SLC43A1: variants seen among roughly 807,000 people sequenced by gnomAD.
SLC43A1 encodes solute carrier family 43 member 1, also known as large neutral amino acids transporter small subunit 3.
SLC43A1 carries 31 observed loss-of-function variants against 59.5 expected under a neutral mutation model. The ratio of observed to expected loss-of-function variants is 0.52; its 90% confidence interval spans 0.39 to 0.70. The LOEUF is 0.70. SLC43A1 is among the 30% of genes least tolerant of loss of function. SLC43A1 has a pLI of 0.00. For synonymous variants in SLC43A1, 259 were observed against 290.9 expected (o/e 0.89, Z 1.12); for missense variants, 598 against 717.8 (o/e 0.83, Z 1.91).
chr11:57,508,974 A>G (rs118058573), intron 2 of SLC43A1, among the ~76,000 whole-genome samples: 1,726 of 151,890 alleles, frequency 0.011, 19 homozygotes, highest in Non-Finnish European at 0.017. Flanking sequence ...AAATTAGCCA[A>G]GCATGGTGGT....
At chr11:57,505,237 CGCAG>C (rs1944366194) in intron 2 of SLC43A1, among the ~76,000 whole-genome samples, 1 of 152,160 alleles carries the variant, frequency 6.6e-6, no homozygotes, top group Non-Finnish European at 1.5e-5. Context: ...ATTGGCCAGC[CGCAG>C]TAGCTCGCAC....
At chr11:57,509,426 A>G (rs1161571121) in intron 2 of SLC43A1, among the ~76,000 whole-genome samples, 4 of 151,892 alleles carry the variant, frequency 2.6e-5, no homozygotes, top group Admixed American at 2.6e-4. Flanking sequence ...CGTCTCTACT[A>G]AAAATACAAA....
rs546367637 is a variant in SLC43A1 at position 57,487,170 on chromosome 11, G to T, written c.1458C>A (p.Ile486=). Residue 486 remains isoleucine, a synonymous_variant, in exon 14 of 15, where the codon ATC becomes ATA. Coordinates refer to ENST00000278426, the MANE Select transcript of SLC43A1 (RefSeq NM_003627.6). ...GCTGAAGCAAGGCGAACACAGCACT[G>T]ATGAGGGACTGCAGGCCTGTCAGCG... ...FGTLTGLQSL[I]SAVFALLQQP... 3.2e-4 allele frequency: 516 copies of T among 1,614,092 alleles called. 3 individuals carry two copies. In the South Asian group the frequency reaches 5.4e-3, roughly 17 times the overall value.
At chr11:57,488,796 C>T (rs1484217374) in intron 13 of SLC43A1, 120 bp downstream of exon 13, 2 of 827,618 alleles carry the variant, frequency 2.4e-6, no homozygotes, top group African/African-American at 3.4e-5. Flanking sequence ...AGCTCCCTGC[C>T]ATCAGAGGGT....
rs1338237067 is a variant in SLC43A1, at chr11:57,487,201, A to G, written c.1427T>C (p.Phe476Ser). The change falls in exon 14 of 15, where the codon TTT becomes TCT. Residue 476 changes from phenylalanine (F) to serine (S), a missense_variant. Phe to Ser is a radical substitution (Grantham distance 155). Transcript: ENST00000278426. ...GGACTGCAGGCCTGTCAGCGTCCCA[A>G]AGTGGTTGGATGGGAACCTGTCCAC... Reference protein sequence around the residue: ...LYAAVFPSNHFGTLTGLQSLI... With the variant: ...LYAAVFPSNHSGTLTGLQSLI... The G allele has an allele frequency of 2.4e-5, 39 of 1,613,608 alleles. No homozygotes were observed. The highest frequency in any genetic ancestry group is 3.1e-5 in the Non-Finnish European group (36 of 1,179,768).
Position 57,514,154 on chromosome 11 carries a change from GC to G in SLC43A1, c.-13-31del, listed in dbSNP as rs764253328. 9.1e-6 allele frequency: 14 copies of G among 1,539,158 alleles called. No homozygotes were observed. Among genetic ancestry groups the G allele is most frequent in the Non-Finnish European group, 1.1e-5 (13 of 1,148,390 alleles). On this transcript the variant is annotated intron_variant, in intron 1 of 14. Transcript: ENST00000278426. The surrounding 1 kb of genome is among the most constrained non-coding windows in gnomAD (Gnocchi z 5.5). ...ACAGAAACAGAGCGCTGGGTGAAGG[GC>G]CCCCCAGTGGCCCCAGGGAAGGGTC...
At chr11:57,502,062 G>A (rs1022587891) in intron 2 of SLC43A1, among the ~76,000 whole-genome samples, 1 of 152,244 alleles carries the variant, frequency 6.6e-6, no homozygotes, top group African/African-American at 2.4e-5. Context: ...GTCCCCTCTA[G>A]AAGTCCACTT....
chr11:57,487,651 C>T (rs1317738414), intron 13 of SLC43A1, among the ~76,000 whole-genome samples: 1 of 151,698 alleles, frequency 6.6e-6, no homozygotes, highest in African/African-American at 2.4e-5. Flanking sequence ...GAGCAGGTGG[C>T]GGTCAGACAA....
At chr11:57,497,926 C>T (rs1318043114) in intron 5 of SLC43A1, 81 bp from the exon 6 acceptor site, 2 of 1,042,476 alleles carry the variant, frequency 1.9e-6, no homozygotes, top group South Asian at 1.4e-5. Context: ...CATACAATAG[C>T]CCCAGGAGAC....
Position 57,491,878 on chromosome 11 carries a change from G to A in SLC43A1, c.872-16C>T, listed in dbSNP as rs1366819416. The A allele has an allele frequency of 1.2e-6, 2 of 1,612,922 alleles. No individual in the cohort carries two copies. The highest frequency in any genetic ancestry group is 2.2e-5 in the East Asian group (1 of 44,862). On this transcript the variant is annotated splice_polypyrimidine_tract_variant and intron_variant, in intron 8 of 14. Transcript: ENST00000278426. Reference sequence around the variant, plus strand: ...GGGACAGACCCTGGGGAGACAGCAGGGGGCGCCCCTGAGCCCCAGACCTTC... The same window carrying A: ...GGGACAGACCCTGGGGAGACAGCAGAGGGCGCCCCTGAGCCCCAGACCTTC...
intron 2 of SLC43A1, among the ~76,000 whole-genome samples, chr11:57,502,797 C>T (rs559320495): frequency 7.9e-5 from 12 of 151,540 alleles, no homozygotes; most frequent in African/African-American, 2.9e-4. Context: ...TTGCTTGAGC[C>T]CGGGCGGTCG....
At chr11:57,495,583 T>C (rs1467243366) in intron 7 of SLC43A1, among the ~76,000 whole-genome samples, 2 of 152,148 alleles carry the variant, frequency 1.3e-5, no homozygotes, top group Non-Finnish European at 2.9e-5. Context: ...TCGGACACTT[T>C]GGAAGGGCAA....
intron 2 of SLC43A1, among the ~76,000 whole-genome samples, chr11:57,510,906 C>T (rs977212837): frequency 6.6e-6 from 1 of 151,890 alleles, no homozygotes; most frequent in Admixed American, 6.6e-5. Flanking sequence ...CGCTTGAACC[C>T]AGGAGGTGGA....
rs1278408661 is a variant in SLC43A1 at position 57,515,052 on chromosome 11, G to A, written c.-14+392C>T. 1.0e-5 allele frequency: 10 copies of A among 985,470 alleles called. No individual in the cohort carries two copies. Among genetic ancestry groups the A allele is most frequent in the South Asian group, 4.7e-5 (1 of 21,284 alleles). The allele number at this position is 985,470 out of a possible 1,614,324, so 61.0% of individuals were successfully genotyped here. A position where few individuals can be genotyped will look rare whatever the true frequency, so the allele number is the denominator to read the frequency against. On this transcript the variant is annotated intron_variant, in intron 1 of 14. Coordinates refer to ENST00000278426, the MANE Select transcript of SLC43A1 (RefSeq NM_003627.6). The surrounding 1 kb of genome is among the most constrained non-coding windows in gnomAD (Gnocchi z 5.3). ...GACAACTGGGATGAGACCGAGGAAA[G>A]CGGAGAGGAGAAGGGCAAGAAAGAC... is the stretch of plus-strand genomic sequence containing the variant.
intron 2 of SLC43A1, among the ~76,000 whole-genome samples, chr11:57,504,028 C>T (rs1369920403): frequency 1.3e-5 from 2 of 151,550 alleles, no homozygotes; most frequent in Non-Finnish European, 2.9e-5. Context: ...CCCATCTCTA[C>T]TAAAAATACA....
intron 2 of SLC43A1, among the ~76,000 whole-genome samples, chr11:57,510,457 CAAAAAAAAAAAA>C (rs61412196): frequency 0.091 from 2,342 of 25,778 alleles, 54 homozygotes; most frequent in Non-Finnish European, 0.12. Flanking sequence ...GACTCCATCT[CAAAAAAAAAAAA>C]AAAAAAAAAA....
rs563957293 is a variant in SLC43A1 at position 57,495,571 on chromosome 11, A to C, written c.692+460T>G. ...GCTGGGCACAGTGGCTCACGCCTGTAATCGGACACTTTGGAAGGGCAAGGG... is the reference window on the plus strand; with the variant it reads ...GCTGGGCACAGTGGCTCACGCCTGTCATCGGACACTTTGGAAGGGCAAGGG... On this transcript the variant is annotated intron_variant, in intron 7 of 14. Coordinates refer to ENST00000278426, the MANE Select transcript of SLC43A1 (RefSeq NM_003627.6). Among the ~76,000 whole-genome samples, 315 of 152,300 alleles carry C rather than the reference A, an allele frequency of 2.1e-3. 4 individuals carry two copies. The highest frequency in any genetic ancestry group is 4.9e-4 in the Non-Finnish European group (33 of 68,016).
At chr11:57,509,365 GGATCACGAGGTCAGGA>G (rs1048036454) in intron 2 of SLC43A1, among the ~76,000 whole-genome samples, 6 of 152,012 alleles carry the variant, frequency 3.9e-5, no homozygotes, top group African/African-American at 1.4e-4. Context: ...CAAGGCGGGT[GGATCACGAGGTCAGGA>G]GATCGAAACC....
At chr11:57,488,543 G>A (rs911185872) in intron 13 of SLC43A1, among the ~76,000 whole-genome samples, 1 of 152,184 alleles carries the variant, frequency 6.6e-6, no homozygotes, top group Non-Finnish European at 1.5e-5. Flanking sequence ...GCGCCCAGCA[G>A]GGGAAACCAG....
Sources: allele counts gnomAD v4.1 joint callset (sites outside exome capture counted in the v4.1 genomes callset), GRCh38; gene constraint gnomAD v4.1.1; non-coding constraint Gnocchi (gnomAD v3.1); transcripts MANE v1.5; gene names NCBI Gene and HGNC (gene_info 2026-07-23, HGNC 2026-07-21).